CADM2: variants seen among roughly 807,000 people sequenced by gnomAD.
CADM2 encodes the protein immunoglobulin superfamily member 4D.
CADM2 carries 12 observed loss-of-function variants against 49.8 expected under a neutral mutation model. The observed-to-expected ratio is 0.24, with a 90% CI of 0.15 to 0.39. The LOEUF is 0.39. Among genes scored for constraint, CADM2 ranks in the 10% least tolerant of loss-of-function variants. CADM2 has a pLI of 1.00. For synonymous variants in CADM2, 214 were observed against 175.4 expected, an observed-to-expected ratio of 1.22 and a Z score of -1.74; for missense variants, 378 against 492.3, an observed-to-expected ratio of 0.77 and a Z score of 2.20.
At chr3:85,210,909 G>T (rs2041762580) in intron 1 of CADM2, among the ~76,000 whole-genome samples, 1 of 152,056 alleles carries the variant, frequency 6.6e-6, no homozygotes, top group African/African-American at 2.4e-5. Flanking sequence ...AAGCCATCAG[G>T]GTCTGGGCTT....
chr3:86,020,635 C>A (rs941470129), intron 8 of CADM2, among the ~76,000 whole-genome samples: 1 of 151,904 alleles, frequency 6.6e-6, no homozygotes. Flanking sequence ...AAAGCTTATC[C>A]ACCATTATCA....
At chr3:85,082,691 G>A (rs2037212523) in intron 1 of CADM2, among the ~76,000 whole-genome samples, 1 of 152,100 alleles carries the variant, frequency 6.6e-6, no homozygotes, top group South Asian at 2.1e-4. Flanking sequence ...TAGGGCACAC[G>A]GTTAGGGGTC....
At chr3:85,468,315 G>A (rs539427788) in intron 1 of CADM2, among the ~76,000 whole-genome samples, 2 of 152,158 alleles carry the variant, frequency 1.3e-5, no homozygotes, top group Non-Finnish European at 2.9e-5. Flanking sequence ...CTCACATTAG[G>A]TGAACTGTTG....
intron 1 of CADM2, among the ~76,000 whole-genome samples, chr3:85,723,786 A>G (rs1027281213): frequency 1.3e-5 from 2 of 152,054 alleles, no homozygotes; most frequent in Non-Finnish European, 2.9e-5. Flanking sequence ...CTTATAAAAG[A>G]TTGGTTGTAT....
chr3:84,983,952 G>A (rs1045778507), intron 1 of CADM2, among the ~76,000 whole-genome samples: 1 of 151,440 alleles, frequency 6.6e-6, no homozygotes, highest in African/African-American at 2.4e-5. Flanking sequence ...TCAACTTCAA[G>A]AAATTGTTTT....
chr3:85,326,289 GA>G (rs534033701), intron 1 of CADM2, among the ~76,000 whole-genome samples: 1 of 150,310 alleles, frequency 6.7e-6, no homozygotes, highest in Non-Finnish European at 1.5e-5. Flanking sequence ...TTCAGGAATT[GA>G]AAAAAAAATT....
intron 1 of CADM2, among the ~76,000 whole-genome samples, chr3:85,010,021 AAACT>A (rs111566692): frequency 0.07 from 10,705 of 152,136 alleles, 508 homozygotes; most frequent in African/African-American, 0.13. Flanking sequence ...AGACAAAAGT[AAACT>A]AACTTAGAGT....
chr3:85,227,925 G>T (rs1385414294), intron 1 of CADM2, among the ~76,000 whole-genome samples: 2 of 152,114 alleles, frequency 1.3e-5, no homozygotes, highest in East Asian at 3.9e-4. Flanking sequence ...GAAATTCTGG[G>T]TTGAAAATTA....
intron 1 of CADM2, among the ~76,000 whole-genome samples, chr3:84,962,693 G>C (rs2030653340): frequency 6.6e-6 from 1 of 152,108 alleles, no homozygotes; most frequent in Non-Finnish European, 1.5e-5. Context: ...TCAGTCATTA[G>C]CTTCTTTTTT....
chr3:85,347,588 C>CGT (rs2030838343), intron 1 of CADM2, among the ~76,000 whole-genome samples: 2 of 139,268 alleles, frequency 1.4e-5, no homozygotes, highest in African/African-American at 5.5e-5. Context: ...TACATATATA[C>CGT]ATATATATAC....
chr3:85,081,021 C>G (rs2037142537), intron 1 of CADM2, among the ~76,000 whole-genome samples: 1 of 151,884 alleles, frequency 6.6e-6, no homozygotes, highest in Non-Finnish European at 1.5e-5. Context: ...AGTCAGTACC[C>G]ACAATTTATT....
At position 85,907,622 on chromosome 3, in the gene CADM2, A is replaced by G. The variant is rs983047944; in HGVS notation, c.530-4751A>G. 4.6e-5 allele frequency among the ~76,000 whole-genome samples: 7 copies of G among 152,148 alleles called. 1 individual carries two copies. Among genetic ancestry groups the G allele is most frequent in the Admixed American group, 4.6e-4 (7 of 15,268 alleles). ...GGAAAGTATTTCATTATAAAAGTGA[A>G]GGTATTGGCTGGACACGGTGGCTCA... On this transcript the variant is annotated intron_variant, in intron 5 of 9. Transcript: ENST00000383699.
intron 1 of CADM2, among the ~76,000 whole-genome samples, chr3:85,573,059 C>A (rs1405478733): frequency 1.3e-5 from 2 of 151,976 alleles, no homozygotes; most frequent in Non-Finnish European, 2.9e-5. Context: ...CAGAAAATAT[C>A]TTATTGTTAT....
chr3:85,933,141 C>T (rs887377032), intron 6 of CADM2, among the ~76,000 whole-genome samples: 1 of 152,132 alleles, frequency 6.6e-6, no homozygotes, highest in Non-Finnish European at 1.5e-5. Context: ...CCTTCCATTT[C>T]CCTTTGGCAC....
At chr3:85,769,504 T>TACAC in intron 2 of CADM2, among the ~76,000 whole-genome samples, 1 of 53,244 alleles carries the variant, frequency 1.9e-5, no homozygotes, top group Non-Finnish European at 3.5e-5. Context: ...TACATATATG[T>TACAC]ATATATACAC....
At chr3:85,701,976 ATAGATAG>A (rs754061694) in intron 1 of CADM2, among the ~76,000 whole-genome samples, 3,160 of 70,180 alleles carry the variant, frequency 0.045, 102 homozygotes, top group African/African-American at 0.098. Context: ...ATAGACATAG[ATAGATAG>A]ATAGATAGAT....
intron 1 of CADM2, among the ~76,000 whole-genome samples, chr3:85,679,379 G>A (rs1315331025): frequency 6.6e-6 from 1 of 152,136 alleles, no homozygotes; most frequent in Non-Finnish European, 1.5e-5. Flanking sequence ...ACTGGGGTGT[G>A]TGGATGAGAG....
intron 1 of CADM2, among the ~76,000 whole-genome samples, chr3:85,106,239 C>T (rs377305744): frequency 1.9e-4 from 29 of 152,062 alleles, no homozygotes; most frequent in East Asian, 9.7e-4. Context: ...TGCATTGATA[C>T]GACATATCAA....
chr3:85,746,264 T>C (rs545551142), intron 2 of CADM2, among the ~76,000 whole-genome samples: 14 of 152,334 alleles, frequency 9.2e-5, no homozygotes, highest in African/African-American at 3.1e-4. Context: ...AGATTCCTTC[T>C]TGCTCATTTC....
Sources: allele counts gnomAD v4.1 joint callset (sites outside exome capture counted in the v4.1 genomes callset), GRCh38; gene constraint gnomAD v4.1.1; transcripts MANE v1.5; gene names NCBI Gene and HGNC (gene_info 2026-07-23, HGNC 2026-07-21).